The following PIBF1 variants were observed in gnomAD, a reference collection of about 807,000 sequenced individuals.
PIBF1 encodes progesterone-induced-blocking factor 1.
A neutral mutation model predicts 112.5 loss-of-function variants in PIBF1; 90 were observed. That is an observed-to-expected ratio of 0.80 (90% CI 0.67 to 0.95). The LOEUF is 0.95. Ranked by LOEUF, PIBF1 falls within the 40% of genes least tolerant of loss-of-function variation. The pLI is 0.00. For missense variants in PIBF1, 915 were observed against 852.3 expected, an observed-to-expected ratio of 1.07 and a Z score of -0.92; for synonymous variants, 301 against 288.6, an observed-to-expected ratio of 1.04 and a Z score of -0.44.
At chr13:72,897,587 T>A (rs2040329005) in intron 11 of PIBF1, among the ~76,000 whole-genome samples, 1 of 152,010 alleles carries the variant, frequency 6.6e-6, no homozygotes, top group Non-Finnish European at 1.5e-5. Context: ...ACCTAACACA[T>A]AAGGACTCAC....
chr13:72,984,491 G>A (rs1282088184), intron 16 of PIBF1, among the ~76,000 whole-genome samples: 4 of 152,070 alleles, frequency 2.6e-5, no homozygotes, highest in African/African-American at 9.7e-5. Flanking sequence ...GTTTAATATT[G>A]ATATATTATC....
chr13:72,973,700 T>G, intron 16 of PIBF1, 25 bp downstream of exon 16: 1 of 1,329,926 alleles, frequency 7.5e-7, no homozygotes. Flanking sequence ...TTGTCATAAT[T>G]GTAATCATTT....
intron 16 of PIBF1, among the ~76,000 whole-genome samples, chr13:72,974,796 A>T (rs1452400900): frequency 4.6e-5 from 7 of 152,176 alleles, no homozygotes; most frequent in African/African-American, 4.8e-5. Context: ...AAAAGTTTCC[A>T]TTTCTCTTGG....
intron 9 of PIBF1, among the ~76,000 whole-genome samples, chr13:72,847,665 C>T: frequency 6.6e-6 from 1 of 152,148 alleles, no homozygotes; most frequent in Non-Finnish European, 1.5e-5. Context: ...ACAATGATCT[C>T]AAAAAGTTTC....
At chr13:72,787,752 G>A (rs923066374) in intron 2 of PIBF1, among the ~76,000 whole-genome samples, 5 of 152,100 alleles carry the variant, frequency 3.3e-5, no homozygotes, top group Non-Finnish European at 5.9e-5. Context: ...TTCACTTCCT[G>A]TGTTCAAGCG....
intron 11 of PIBF1, among the ~76,000 whole-genome samples, chr13:72,906,428 T>C (rs2040706768): frequency 6.6e-6 from 1 of 152,138 alleles, no homozygotes; most frequent in Non-Finnish European, 1.5e-5. Flanking sequence ...TTATTTTATG[T>C]ATCCATATTT....
chr13:72,996,336 T>A (rs1477537968), intron 16 of PIBF1, among the ~76,000 whole-genome samples: 2 of 151,350 alleles, frequency 1.3e-5, no homozygotes, highest in African/African-American at 4.9e-5. Flanking sequence ...CAAACCCTTA[T>A]CAGACTGGCA....
chr13:72,838,696 C>T (rs1178044812), intron 9 of PIBF1, among the ~76,000 whole-genome samples: 1 of 152,182 alleles, frequency 6.6e-6, no homozygotes, highest in African/African-American at 2.4e-5. Context: ...GCTGTTGTTA[C>T]AGGCACATAC....
intron 10 of PIBF1, among the ~76,000 whole-genome samples, chr13:72,858,487 T>C (rs2138351965): frequency 6.6e-6 from 1 of 152,346 alleles, no homozygotes; most frequent in South Asian, 2.1e-4. Flanking sequence ...AAAAGAATTG[T>C]AATTCATGAA....
intron 17 of PIBF1, among the ~76,000 whole-genome samples, chr13:73,012,505 G>A (rs1164670932): frequency 2.6e-5 from 4 of 151,344 alleles, no homozygotes; most frequent in African/African-American, 9.7e-5. Context: ...AGGATCACTT[G>A]AACCCAGGAG....
intron 14 of PIBF1, among the ~76,000 whole-genome samples, chr13:72,945,734 T>G (rs2042132632): frequency 1.3e-5 from 2 of 152,220 alleles, no homozygotes; most frequent in South Asian, 4.1e-4. Context: ...ACAAAATAAA[T>G]TTGTTGAATC....
chr13:72,995,443 A>C (rs1282183674), intron 16 of PIBF1, among the ~76,000 whole-genome samples: 1 of 152,196 alleles, frequency 6.6e-6, no homozygotes, highest in Non-Finnish European at 1.5e-5. Context: ...GCATAAATAG[A>C]CAGACTGTAG....
chr13:72,907,444 T>C (rs1377711162), intron 11 of PIBF1, among the ~76,000 whole-genome samples: 1 of 152,140 alleles, frequency 6.6e-6, no homozygotes, highest in Admixed American at 6.5e-5. Context: ...TCTATTTGCA[T>C]GAACTATTTC....
At chr13:72,799,579 T>A (rs1369506758) in intron 5 of PIBF1, among the ~76,000 whole-genome samples, 1 of 152,138 alleles carries the variant, frequency 6.6e-6, no homozygotes, top group South Asian at 2.1e-4. Context: ...AAAAAAAAAA[T>A]TCAACTGTAG....
chr13:72,913,550 G>A lies in PIBF1; in HGVS notation c.1640-3526G>A, dbSNP rs74957574. 8.5e-5 allele frequency among the ~76,000 whole-genome samples: 13 copies of A among 152,282 alleles called. No individual in the cohort carries two copies. In the East Asian group the frequency reaches 2.5e-3, roughly 29 times the overall value. ...CCCAGCATTTTGGGAGACCAAGGCA[G>A]GACGATTGCTTGAGCCCAGAAGTTC... On this transcript the variant is annotated intron_variant, in intron 12 of 17. Coordinates refer to ENST00000326291, the MANE Select transcript of PIBF1 (RefSeq NM_006346.4).
intron 16 of PIBF1, among the ~76,000 whole-genome samples, chr13:72,976,451 G>A (rs1432139077): frequency 1.3e-5 from 2 of 152,120 alleles, no homozygotes; most frequent in African/African-American, 4.8e-5. Context: ...TTGTATGGAT[G>A]CATATTTAGA....
At chr13:72,942,679 A>G (rs1194163062) in intron 14 of PIBF1, among the ~76,000 whole-genome samples, 4 of 152,148 alleles carry the variant, frequency 2.6e-5, no homozygotes, top group Non-Finnish European at 5.9e-5. Context: ...TTGCCTTTCA[A>G]AATGTTTGTC....
chr13:72,830,500 T>C (rs2037053437), intron 8 of PIBF1, among the ~76,000 whole-genome samples: 1 of 152,208 alleles, frequency 6.6e-6, no homozygotes. Flanking sequence ...TGTTGAATTT[T>C]GTCAAAGGCC....
At chr13:72,931,368 T>C (rs1250560012) in intron 14 of PIBF1, 101 bp downstream of exon 14, 10 of 792,760 alleles carry the variant, frequency 1.3e-5, no homozygotes, top group Non-Finnish European at 1.9e-5. Context: ...AGCTGTTTGC[T>C]AGTACAAAAT....
Sources: allele counts gnomAD v4.1 joint callset (sites outside exome capture counted in the v4.1 genomes callset), GRCh38; gene constraint gnomAD v4.1.1; transcripts MANE v1.5; gene names NCBI Gene and HGNC (gene_info 2026-07-23, HGNC 2026-07-21).